PCDHAC1: variants seen among roughly 807,000 people sequenced by gnomAD.
The protein encoded by PCDHAC1 is protocadherin alpha-C1.
In PCDHAC1, 42 loss-of-function variants were observed where a neutral mutation model predicts 60.0. The ratio of observed to expected loss-of-function variants is 0.70; its 90% CI spans 0.55 to 0.90. The LOEUF (loss-of-function observed/expected upper bound fraction) is 0.90. PCDHAC1 is among the 40% of genes least tolerant of loss of function. PCDHAC1 has a pLI of 0.00. For missense variants in PCDHAC1, 1,160 were observed against 1,222.3 expected, an observed-to-expected ratio of 0.95 and a Z score of 0.76; for synonymous variants, 468 against 499.3, an observed-to-expected ratio of 0.94 and a Z score of 0.84.
intron 1 of PCDHAC1, among the ~76,000 whole-genome samples, chr5:140,938,135 A>T (rs926775458): frequency 1.3e-5 from 2 of 152,198 alleles, no homozygotes; most frequent in Non-Finnish European, 2.9e-5. Flanking sequence ...AAATAGAGAT[A>T]GAGTCTCACT....
At chr5:140,967,790 C>T in intron 1 of PCDHAC1, 1 of 1,614,188 alleles carries the variant, frequency 6.2e-7, no homozygotes, top group Non-Finnish European at 8.5e-7. Flanking sequence ...TGACCGGGGT[C>T]CAGTGCCCAT....
chr5:140,967,774 G>C (rs1447955993), intron 1 of PCDHAC1: 3 of 1,614,106 alleles, frequency 1.9e-6, no homozygotes, highest in Non-Finnish European at 1.7e-6. Context: ...TCTATGTGCA[G>C]GCGACTGACC....
chr5:140,966,651 C>A, intron 1 of PCDHAC1: 1 of 1,159,980 alleles, frequency 8.6e-7, no homozygotes, highest in Non-Finnish European at 1.1e-6. Flanking sequence ...AGAGCGTGAG[C>A]GGTGGGGGAG....
chr5:140,963,177 T>A (rs1002604435), intron 1 of PCDHAC1, among the ~76,000 whole-genome samples: 1 of 152,194 alleles, frequency 6.6e-6, no homozygotes, highest in East Asian at 1.9e-4. Flanking sequence ...CTTACAGATA[T>A]GCTGTAGACT....
At chr5:140,943,974 T>G (rs1356208474) in intron 1 of PCDHAC1, among the ~76,000 whole-genome samples, 2 of 152,022 alleles carry the variant, frequency 1.3e-5, no homozygotes, top group African/African-American at 4.8e-5. Flanking sequence ...TTAAAGTAAT[T>G]AAGAAAACAG....
At chr5:140,978,587 T>C (rs1260706970) in intron 1 of PCDHAC1, among the ~76,000 whole-genome samples, 5 of 152,250 alleles carry the variant, frequency 3.3e-5, no homozygotes, top group Admixed American at 6.5e-5. Context: ...GAATGTTCCC[T>C]TAATGGGGCA....
rs74450843 is a variant in PCDHAC1 at position 140,951,654 on chromosome 5, C to A, written c.2433+22329C>A. ...GCCCCATGATCTAATCACCTCCCAC[C>A]AGGGCCTGCCTACAAAATTGGGGAT... On this transcript the variant is annotated intron_variant, in intron 1 of 3. Coordinates refer to ENST00000253807, the MANE Select transcript of PCDHAC1 (RefSeq NM_018898.5). 1.1e-4 allele frequency among the ~76,000 whole-genome samples: 16 copies of A among 152,248 alleles called. No homozygotes were observed. In the East Asian group the frequency reaches 3.1e-3, roughly 29 times the overall value.
At chr5:140,933,133 G>T (rs782720038) in intron 1 of PCDHAC1, among the ~76,000 whole-genome samples, 1 of 151,914 alleles carries the variant, frequency 6.6e-6, no homozygotes, top group Non-Finnish European at 1.5e-5. Context: ...AATAATAAAG[G>T]TAGATAGCCA....
In PCDHAC1 at chr5:141,007,955, C is replaced by T. The variant is rs192197811; in HGVS notation, c.2582-1672C>T. ...CTAAGCCACCTTTTTGAGAACTGCT[C>T]ATTCTCTGGGTGTCTGTCATGTATA... On this transcript the variant is annotated intron_variant, in intron 3 of 3. Transcript: ENST00000253807. 2.6e-5 allele frequency among the ~76,000 whole-genome samples: 4 copies of T among 152,294 alleles called. No homozygotes were observed. In the East Asian group the frequency reaches 7.7e-4, roughly 29 times the overall value.
chr5:141,004,369 C>A (rs1239142670), intron 3 of PCDHAC1, among the ~76,000 whole-genome samples: 1 of 152,206 alleles, frequency 6.6e-6, no homozygotes, highest in Non-Finnish European at 1.5e-5. Flanking sequence ...ACACCTTGTT[C>A]TGCTCTGCGG....
At chr5:140,955,065 T>C (rs1258214145) in intron 1 of PCDHAC1, among the ~76,000 whole-genome samples, 8 of 152,214 alleles carry the variant, frequency 5.3e-5, no homozygotes, top group Admixed American at 3.3e-4. Context: ...GTCAGGTTTG[T>C]TGAAGATCAG....
chr5:140,927,183 C>T lies in PCDHAC1; in HGVS notation c.291C>T (p.Tyr97=), dbSNP rs1554204140. The T allele has an allele frequency of 7.4e-6, 12 of 1,614,160 alleles. No homozygotes were observed. Among genetic ancestry groups the T allele is most frequent in the Non-Finnish European group, 1.0e-5 (12 of 1,180,036 alleles). Reference sequence around the variant, plus strand: ...CCAAAGCTGCCTGCGTCTTGACCTACGACCTGGTGCTCGAGGACCCGCTGG... The same window carrying T: ...CCAAAGCTGCCTGCGTCTTGACCTATGACCTGGTGCTCGAGGACCCGCTGG... ...CRAKAACVLT[Y]DLVLEDPLEL... Residue 97 remains tyrosine (Y), a synonymous_variant, in exon 1 of 4, where the codon TAC becomes TAT. Transcript: ENST00000253807.
intron 3 of PCDHAC1, among the ~76,000 whole-genome samples, chr5:141,007,395 C>CAAA (rs35800918): frequency 7.4e-5 from 7 of 94,852 alleles, no homozygotes; most frequent in Non-Finnish European, 1.2e-4. Flanking sequence ...TACTAAAATA[C>CAAA]AAAAAAAAAA....
chr5:140,964,747 G>C (rs1170890203), intron 1 of PCDHAC1, among the ~76,000 whole-genome samples: 3 of 151,868 alleles, frequency 2.0e-5, no homozygotes, highest in Non-Finnish European at 4.4e-5. Context: ...AATTATTGTA[G>C]GGATGTTTGG....
intron 2 of PCDHAC1, among the ~76,000 whole-genome samples, chr5:140,981,839 A>T (rs950232298): frequency 6.6e-6 from 1 of 152,116 alleles, no homozygotes; most frequent in Non-Finnish European, 1.5e-5. Flanking sequence ...AAGGTCTCCC[A>T]GTTTGTATCT....
chr5:140,961,278 C>T (rs1205288915), intron 1 of PCDHAC1, among the ~76,000 whole-genome samples: 1 of 152,192 alleles, frequency 6.6e-6, no homozygotes, highest in Non-Finnish European at 1.5e-5. Context: ...TTTACCATGG[C>T]TCTGTTTCTT....
In PCDHAC1 at chr5:141,010,190, C is replaced by T. The variant is rs868983471; in HGVS notation, c.*253C>T. On this transcript the variant is annotated 3_prime_UTR_variant, in exon 4 of 4. Coordinates refer to ENST00000253807, the MANE Select transcript of PCDHAC1 (RefSeq NM_018898.5). ...GAACCTAAAAAGCAGACCCAAGTTT[C>T]CTTTCTCCTCCGCCGCAAAGGAGAG... The T allele has an allele frequency of 6.4e-7, 1 of 1,552,504 alleles. No homozygotes were observed. Among genetic ancestry groups the T allele is most frequent in the Non-Finnish European group, 8.7e-7 (1 of 1,147,234 alleles).
At chr5:140,957,531 G>A (rs2095365025) in intron 1 of PCDHAC1, among the ~76,000 whole-genome samples, 1 of 152,080 alleles carries the variant, frequency 6.6e-6, no homozygotes, top group Non-Finnish European at 1.5e-5. Flanking sequence ...ATTCAGTGGG[G>A]ATCTTAGAAA....
At chr5:140,973,489 G>T (rs1554235344) in intron 1 of PCDHAC1, among the ~76,000 whole-genome samples, 2 of 152,096 alleles carry the variant, frequency 1.3e-5, no homozygotes, top group African/African-American at 4.8e-5. Flanking sequence ...TTGGTCACAG[G>T]ACTCTTCTTC....
Sources: gnomAD v4.1 joint callset for allele counts (sites outside exome capture counted in the v4.1 genomes callset) on GRCh38, gnomAD v4.1.1 for gene constraint, MANE v1.5 for transcripts, NCBI Gene and HGNC (gene_info 2026-07-23, HGNC 2026-07-21) for gene names.